The following TEX15 variants were observed in gnomAD, a reference collection of about 807,000 sequenced individuals.
The protein encoded by TEX15 is testis expressed 15, meiosis and synapsis associated.
A neutral mutation model predicts 237.3 loss-of-function variants in TEX15; 171 were observed. The ratio of observed to expected loss-of-function variants is 0.72; its 90% CI spans 0.64 to 0.82. The LOEUF (loss-of-function observed/expected upper bound fraction) is 0.82. Among genes scored for constraint, TEX15 ranks in the 40% least tolerant of loss-of-function variants. The pLI is 0.00. For synonymous variants in TEX15, 1,338 were observed against 1,269.8 expected (o/e 1.05, Z -1.14); for missense variants, 3,750 against 3,646.5 (o/e 1.03, Z -0.73).
At chr8:30,888,608 A>T in intron 2 of TEX15, 1 of 1,287,636 alleles carries the variant, frequency 7.8e-7, no homozygotes, top group Non-Finnish European at 1.0e-6. Flanking sequence ...CACACAGGGA[A>T]ATATATATAA....
rs374806257 is a variant in TEX15, at chr8:30,845,118, C to T, written c.5049G>A (p.Lys1683=). ...TGGGTCTCTCAATAGGATCTGTCCA[C>T]TTTACTTCCAGGTTTCTTTTACAAT... The part of the protein sequence containing the change: ...LSDCKRNLEV[K]WTDPIERPKQ... The change falls in exon 8 of 11, where the codon AAG becomes AAA. Residue 1683 remains lysine, a synonymous_variant. Coordinates refer to ENST00000643185, the MANE Select transcript of TEX15 (RefSeq NM_001350162.2). 8.1e-6 allele frequency: 13 copies of T among 1,613,466 alleles called. 1 individual carries two copies. The African/African-American group carries it at 1.3e-4, about 17-fold the overall frequency.
Position 30,839,983 on chromosome 8 carries a change from A to T in TEX15, c.8164-19T>A, listed in dbSNP as rs1414941050. The T allele has an allele frequency of 2.6e-6, 4 of 1,511,434 alleles. No homozygotes were observed. In the South Asian group the frequency reaches 5.2e-5, roughly 20 times the overall value. 93.6% of individuals were successfully genotyped at this position (1,511,434 alleles called of 1,614,324 possible). A position where few individuals can be genotyped will look rare whatever the true frequency, so the allele number is the denominator to read the frequency against. On this transcript the variant is annotated intron_variant, in intron 8 of 10. Coordinates refer to ENST00000643185, the MANE Select transcript of TEX15 (RefSeq NM_001350162.2). ...TGTCTACCTGTGTTTAAAAGATACA[A>T]AGAAAATCTTCATTAGTGATGACAA...
At position 30,842,267 on chromosome 8, in the gene TEX15, T is replaced by C. The variant is rs1371359358; in HGVS notation, c.7900A>G (p.Ile2634Val). 3.1e-6 allele frequency: 5 copies of C among 1,613,728 alleles called. No individual in the cohort carries two copies. Among genetic ancestry groups the C allele is most frequent in the East Asian group, 2.2e-5 (1 of 44,826 alleles). Residue 2634 changes from isoleucine to valine, a missense_variant, in exon 8 of 11, where the codon ATT (isoleucine) becomes GTT (valine). By Grantham distance (29) the Ile-to-Val change is conservative. Transcript: ENST00000643185. ...AGCATTTGGCATAGGAAAAAGGAAA[T>C]GGTTAGTTCAGCATTTTTAGTACAT... ...MICTKNAELT[I>V]SFFLCQMLYN...
chr8:30,839,965 C>A lies in TEX15; in HGVS notation c.8164-1G>T, dbSNP rs1480242388. On this transcript the variant is annotated splice_acceptor_variant, in intron 8 of 10. Coordinates refer to ENST00000643185, the MANE Select transcript of TEX15 (RefSeq NM_001350162.2). LOFTEE classifies it high-confidence loss of function. ...TTTTTGTGACATCTTTCATGTCTAC[C>A]TGTGTTTAAAAGATACAAAGAAAAT... The A allele has an allele frequency of 6.3e-7, 1 of 1,585,944 alleles. No individual in the cohort carries two copies. Among genetic ancestry groups the A allele is most frequent in the Admixed American group, 1.8e-5 (1 of 57,032 alleles).
chr8:30,838,761 T>G (rs1807370756), intron 9 of TEX15, among the ~76,000 whole-genome samples: 1 of 130,534 alleles, frequency 7.7e-6, no homozygotes, highest in Non-Finnish European at 1.6e-5. Context: ...TGTATGTGTG[T>G]ATATATAAAA....
At chr8:30,909,080 C>T (rs1563282024) in intron 1 of TEX15, among the ~76,000 whole-genome samples, 1 of 151,942 alleles carries the variant, frequency 6.6e-6, no homozygotes, top group Non-Finnish European at 1.5e-5. Context: ...GCAAAGTTTC[C>T]CCCCTTGAGG....
intron 2 of TEX15, among the ~76,000 whole-genome samples, chr8:30,893,195 C>T (rs1033841507): frequency 6.6e-6 from 1 of 152,028 alleles, no homozygotes; most frequent in African/African-American, 2.4e-5. Context: ...AATTAGAAAA[C>T]AAAAGTGCAG....
rs141926985 is a variant in TEX15 at position 30,845,804 on chromosome 8, G to T, written c.4363C>A (p.Arg1455=). The T allele has an allele frequency of 6.2e-7, 1 of 1,609,166 alleles. No homozygotes were observed. The highest frequency in any genetic ancestry group is 1.3e-5 in the African/African-American group (1 of 74,528). ...HFSSKRKYDK[R]RKKRAPKADI... is the part of the protein sequence containing the mutation. ...GCTTTTGGAGCTCTTTTCTTTCTCCGTTTGTCATATTTTCTTTTTGACGAA... is the reference window on the plus strand; with the variant it reads ...GCTTTTGGAGCTCTTTTCTTTCTCCTTTTGTCATATTTTCTTTTTGACGAA... Residue 1455 remains arginine, a synonymous_variant, in exon 8 of 11, where the codon CGG becomes AGG. Coordinates refer to ENST00000643185, the MANE Select transcript of TEX15 (RefSeq NM_001350162.2).
Position 30,846,297 on chromosome 8 carries a change from T to G in TEX15, c.3870A>C (p.Lys1290Asn). 1 of 1,613,222 alleles carries G rather than the reference T, an allele frequency of 6.2e-7. No individual in the cohort carries two copies. Among genetic ancestry groups the G allele is most frequent in the Non-Finnish European group, 8.5e-7 (1 of 1,179,678 alleles). Residue 1290 changes from lysine (K) to asparagine (N), a missense_variant, in exon 8 of 11, where the codon AAA (lysine) becomes AAC (asparagine). Physicochemically the swap from Lys to Asn is moderately conservative, Grantham distance 94 (BLOSUM62 0). Coordinates refer to ENST00000643185, the MANE Select transcript of TEX15 (RefSeq NM_001350162.2). The stretch of plus-strand genomic sequence containing the variant: ...TTCTTGATTCTACCTCCTTTTTATT[T>G]TTGGTATCATTATAGTCAGTTTTTG... ...TKSKTDYNDT[K>N]NKKEVESRIS...
chr8:30,911,775 G>C (rs541567709), intron 1 of TEX15, among the ~76,000 whole-genome samples: 1 of 152,252 alleles, frequency 6.6e-6, no homozygotes, highest in East Asian at 1.9e-4. Flanking sequence ...GTGGCCATGC[G>C]CCTCAAACCG....
intron 3 of TEX15, among the ~76,000 whole-genome samples, chr8:30,879,811 C>T (rs778939568): frequency 1.3e-5 from 2 of 151,964 alleles, no homozygotes; most frequent in Non-Finnish European, 2.9e-5. Flanking sequence ...AACATCTTAG[C>T]GGGATTTTGA....
In TEX15 at chr8:30,845,476, T is replaced by C; in HGVS notation, c.4691A>G (p.Asp1564Gly). The C allele has an allele frequency of 6.2e-7, 1 of 1,613,480 alleles. No homozygotes were observed. Among genetic ancestry groups the C allele is most frequent in the East Asian group, 2.2e-5 (1 of 44,854 alleles). ...ATTTTCTTTTTCTATTAGTTTCTCA[T>C]CTGAGTGGTCTGGGGAAAACAGATA... is the stretch of plus-strand genomic sequence containing the variant. ...TAYLFSPDHS[D>G]EKLIEKENQI... The change falls in exon 8 of 11, where the codon GAT (aspartate) becomes GGT (glycine). Residue 1564 changes from aspartate to glycine, a missense_variant. By Grantham distance (94) the Asp-to-Gly change is moderately conservative (BLOSUM62 -1). Coordinates refer to ENST00000643185, the MANE Select transcript of TEX15 (RefSeq NM_001350162.2).
intron 1 of TEX15, among the ~76,000 whole-genome samples, chr8:30,905,894 A>G (rs930700251): frequency 6.6e-5 from 10 of 151,978 alleles, no homozygotes; most frequent in African/African-American, 2.4e-4. Flanking sequence ...TGAGAGTGAC[A>G]CCCTGTCTCA....
chr8:30,854,439 C>T (rs983665586), intron 7 of TEX15, among the ~76,000 whole-genome samples: 1 of 151,858 alleles, frequency 6.6e-6, no homozygotes, highest in Non-Finnish European at 1.5e-5. Flanking sequence ...GAACGTGATG[C>T]AAGAAGAAAC....
chr8:30,910,939 G>A (rs1809202419), intron 1 of TEX15, among the ~76,000 whole-genome samples: 1 of 151,950 alleles, frequency 6.6e-6, no homozygotes, highest in Non-Finnish European at 1.5e-5. Context: ...AGCATTAAAC[G>A]TATCTCTAAA....
intron 2 of TEX15, among the ~76,000 whole-genome samples, chr8:30,895,673 A>G (rs1808888305): frequency 1.1e-5 from 1 of 93,176 alleles, no homozygotes; most frequent in Non-Finnish European, 1.9e-5. Flanking sequence ...TTTTAAACAC[A>G]TGCTTTTTTT....
Position 30,836,848 on chromosome 8 carries a change from A to G in TEX15, c.9436T>C (p.Tyr3146His). ...GGAGGCACAAATCGATTAGGAAGGTAAGGGTATGTAGCTTGTGGTAATGGC... is the reference window on the plus strand; with the variant it reads ...GGAGGCACAAATCGATTAGGAAGGTGAGGGTATGTAGCTTGTGGTAATGGC... ...HQPLPQATYP[Y>H]LPNRFVPPEV... The change falls in exon 10 of 11, where the codon TAC becomes CAC. Residue 3146 changes from tyrosine to histidine, a missense_variant. Physicochemically the swap from Tyr to His is moderately conservative, Grantham distance 83. Transcript: ENST00000643185. The G allele has an allele frequency of 2.5e-6, 4 of 1,613,566 alleles. No homozygotes were observed. Among genetic ancestry groups the G allele is most frequent in the Non-Finnish European group, 3.4e-6 (4 of 1,179,782 alleles).
In TEX15 at chr8:30,844,638, T is replaced by C; in HGVS notation, c.5529A>G (p.Ile1843Met). 6.2e-7 allele frequency: 1 copy of C among 1,613,398 alleles called. No homozygotes were observed. Reference protein sequence around the residue: ...CIVKKDTEDRITWKVKQAEKA... With the variant: ...CIVKKDTEDRMTWKVKQAEKA... ...TTTCCGCTTGTTTAACTTTCCACGTTATTCTGTCCTCAGTGTCTTTCTTCA... is the reference window on the plus strand; with the variant it reads ...TTTCCGCTTGTTTAACTTTCCACGTCATTCTGTCCTCAGTGTCTTTCTTCA... The change falls in exon 8 of 11, where the codon ATA becomes ATG. Residue 1843 changes from isoleucine (I) to methionine (M), a missense_variant. Physicochemically the swap from Ile to Met is conservative, Grantham distance 10 (BLOSUM62 1). Transcript: ENST00000643185.
intron 3 of TEX15, among the ~76,000 whole-genome samples, chr8:30,877,867 C>T (rs1304404654): frequency 2.0e-5 from 3 of 152,086 alleles, no homozygotes; most frequent in South Asian, 2.1e-4. Flanking sequence ...TTTTATCACA[C>T]GTAGATTTGT....
Sources: allele counts gnomAD v4.1 joint callset (sites outside exome capture counted in the v4.1 genomes callset), GRCh38; gene constraint gnomAD v4.1.1; transcripts MANE v1.5; gene names NCBI Gene and HGNC (gene_info 2026-07-23, HGNC 2026-07-21).